EOLA2: variants seen among roughly 807,000 people sequenced by gnomAD.
EOLA2 encodes the protein protein EOLA2.
Under a neutral mutation model 4.1 loss-of-function variants are expected in EOLA2, and 3 were observed. The ratio of observed to expected loss-of-function variants is 0.73; its 90% CI spans 0.33 to 1.89. EOLA2 has a LOEUF of 1.89. Ranked by LOEUF, EOLA2 falls within the 40% of genes most tolerant of loss-of-function variation. EOLA2 has a pLI of 0.08. For synonymous variants in EOLA2, 52 were observed against 51.7 expected (o/e 1.01, Z -0.03); for missense variants, 109 against 126.4 (o/e 0.86, Z 0.66).
At chrX:149,937,868 C>T (rs181017871) in intron 1 of EOLA2, among the ~76,000 whole-genome samples, 114 of 112,934 alleles carry the variant, frequency 1.0e-3, no homozygotes, top group African/African-American at 3.5e-3. Flanking sequence ...ATGCTGAGCA[C>T]GGGGCCACAG....
chrX:149,934,202 G>A (rs2090938878), intron 2 of EOLA2, 65 bp from the exon 3 acceptor site: 1 of 905,175 alleles, frequency 1.1e-6, no homozygotes, highest in Non-Finnish European at 1.4e-6. Context: ...CGAGCCCTAG[G>A]GCAACACAGA....
At chrX:149,932,800 T>C (rs1285085732) in intron 4 of EOLA2, 33 bp from the exon 5 acceptor site, 1 of 1,157,402 alleles carries the variant, frequency 8.6e-7, no homozygotes, top group African/African-American at 1.9e-5. Context: ...ATGAATGCCT[T>C]TCACTTCCAT....
intron 1 of EOLA2, 24 bp from the exon 2 acceptor site, chrX:149,937,504 G>A (rs2091027112): frequency 9.1e-6 from 5 of 550,582 alleles, no homozygotes; most frequent in South Asian, 1.9e-4. Flanking sequence ...AAGATAAAGA[G>A]GAAAGGTCAT....
rs146445817 is a variant in EOLA2, at chrX:149,933,682, G to C, written c.193C>G (p.Pro65Ala). Residue 65 changes from proline (P) to alanine (A), a missense_variant, in exon 4 of 5, where the codon CCT (proline) becomes GCT (alanine). Coordinates refer to ENST00000370406, the MANE Select transcript of EOLA2 (RefSeq NM_001013845.2). ...ELLVERLGMT[P>A]AQIQALLRKG... ...CTGAGCAAGGCCTGAATCTGAGCAG[G>C]AGTCATCCCGAGTCTCTCCACCAGC... The C allele has an allele frequency of 5.4e-4, 656 of 1,205,600 alleles. 17 individuals carry two copies. In the African/African-American group the frequency reaches 0.011, roughly 20 times the overall value.
rs188514568 is a variant in EOLA2 at position 149,937,789 on chromosome X, C to T, written c.-210-309G>A. Reference sequence around the variant, plus strand: ...AGGGGAGAAAAATCACACTTCCCCTCCCATTGTCATCGGACGAGGGTTTGG... The same window carrying T: ...AGGGGAGAAAAATCACACTTCCCCTTCCATTGTCATCGGACGAGGGTTTGG... On this transcript the variant is annotated intron_variant, in intron 1 of 4. Coordinates refer to ENST00000370406, the MANE Select transcript of EOLA2 (RefSeq NM_001013845.2). Among the ~76,000 whole-genome samples the T allele has an allele frequency of 1.6e-3, 186 of 113,020 alleles. 1 individual carries two copies. The highest frequency in any genetic ancestry group is 5.8e-3 in the African/African-American group (182 of 31,142).
At chrX:149,937,652 G>A (rs1215523270) in intron 1 of EOLA2, 172 bp from the exon 2 acceptor site, 1 of 113,790 alleles carries the variant, frequency 8.8e-6, no homozygotes, top group East Asian at 2.8e-4. Context: ...CTGCTAATCA[G>A]AGCGGTGGGA....
chrX:149,932,193 C>CCAG (rs1388921632), downstream of EOLA2: 1 of 505,229 alleles, frequency 2.0e-6, no homozygotes, highest in East Asian at 9.0e-5. Context: ...CAAACACTAA[C>CCAG]CAGTCATCTA....
intron 2 of EOLA2, chrX:149,934,430 C>G (rs2090943713): frequency 1.3e-6 from 1 of 741,095 alleles, no homozygotes; most frequent in Non-Finnish European, 1.6e-6. Context: ...TATCCAATCT[C>G]AGCTCTGTCC....
Position 149,933,386 on chromosome X carries a change from A to G in EOLA2, c.253+236T>C, listed in dbSNP as rs782399731. Among the ~76,000 whole-genome samples, 553 of 110,818 alleles carry G rather than the reference A, an allele frequency of 5.0e-3. 4 individuals are homozygous for G. Among genetic ancestry groups the G allele is most frequent in the African/African-American group, 0.018 (540 of 30,349 alleles). Reference sequence around the variant, plus strand: ...GGCCCTGACCAGGCTTCTCACTGAGATCAGAAACAGAACTGCGGCCCAGAG... The same window carrying G: ...GGCCCTGACCAGGCTTCTCACTGAGGTCAGAAACAGAACTGCGGCCCAGAG... On this transcript the variant is annotated intron_variant, in intron 4 of 4. Coordinates refer to ENST00000370406, the MANE Select transcript of EOLA2 (RefSeq NM_001013845.2).
At chrX:149,935,405 T>A (rs1299436122) in intron 2 of EOLA2, among the ~76,000 whole-genome samples, 1 of 63,401 alleles carries the variant, frequency 1.6e-5, no homozygotes, top group Non-Finnish European at 2.9e-5. Flanking sequence ...CCACTCTGCC[T>A]CCCTTCTCTA....
In EOLA2 at chrX:149,937,470, G is replaced by A. The variant is rs1205418955; in HGVS notation, c.-200C>T. 1 of 701,047 alleles carries A rather than the reference G, an allele frequency of 1.4e-6. No homozygotes were observed. The highest frequency in any genetic ancestry group is 1.7e-6 in the Non-Finnish European group (1 of 590,509). 57.8% of individuals were successfully genotyped at this position (701,047 alleles called of 1,213,427 possible). ...CAGAGGAGGAAACACTCTTCCACTT[G>A]GTTTCTTTACCTGCACAACAAGGAA... On this transcript the variant is annotated 5_prime_UTR_variant, in exon 2 of 5. Coordinates refer to ENST00000370406, the MANE Select transcript of EOLA2 (RefSeq NM_001013845.2).
chrX:149,937,840 C>T (rs1457127892), intron 1 of EOLA2, among the ~76,000 whole-genome samples: 1 of 112,922 alleles, frequency 8.9e-6, no homozygotes, highest in African/African-American at 3.2e-5. Context: ...TTGTCCACTG[C>T]TTAATTCTGG....
chrX:149,935,757 C>T (rs2090981015), intron 2 of EOLA2, among the ~76,000 whole-genome samples: 1 of 104,902 alleles, frequency 9.5e-6, no homozygotes, highest in Non-Finnish European at 2.0e-5. Context: ...ACTCAGGACC[C>T]CAACCATCAC....
At chrX:149,930,193 A>C (rs1227678504), downstream of EOLA2, 13 of 1,097,101 alleles carry the variant, frequency 1.2e-5, no homozygotes, top group Non-Finnish European at 1.6e-5. Context: ...ATAGGACACC[A>C]ATTTGAATAA....
rs368926724 is a variant in EOLA2, at chrX:149,933,742, G to A, written c.133C>T (p.His45Tyr). The A allele has an allele frequency of 4.1e-6, 5 of 1,208,446 alleles. No homozygotes were observed. Among genetic ancestry groups the A allele is most frequent in the Admixed American group, 4.4e-5 (2 of 45,972 alleles). ...CAGGCATCGCCTTCCCAGTCCCTGT[G>A]AGCAATGTGGACGGCGATGGTACAG... ...RNCTIAVHIAHRDWEGDACRE... is the reference protein window; with the variant it reads ...RNCTIAVHIAYRDWEGDACRE... Residue 45 changes from histidine (H) to tyrosine (Y), a missense_variant, in exon 4 of 5, where the codon CAC becomes TAC. Physicochemically the swap from His to Tyr is moderately conservative, Grantham distance 83. Coordinates refer to ENST00000370406, the MANE Select transcript of EOLA2 (RefSeq NM_001013845.2).
At position 149,938,487 on chromosome X, in the gene EOLA2, T is replaced by A. The variant is rs187062586; in HGVS notation, c.-505A>T. On this transcript the variant is annotated 5_prime_UTR_variant, in exon 1 of 5. Coordinates refer to ENST00000370406, the MANE Select transcript of EOLA2 (RefSeq NM_001013845.2). The stretch of plus-strand genomic sequence containing the variant: ...TCGTCCCTTTCATGAGGAACGTACG[T>A]GTGCGCGTAATCACGCACGTACGTA... The A allele has an allele frequency of 2.7e-5, 3 of 112,663 alleles. No individual in the cohort carries two copies. The highest frequency in any genetic ancestry group is 9.7e-5 in the African/African-American group (3 of 30,980). 9.3% of individuals were successfully genotyped at this position (112,663 alleles called of 1,213,427 possible). A position where few individuals can be genotyped will look rare whatever the true frequency, so the allele number is the denominator to read the frequency against.
chrX:149,931,804 CAA>C (rs782666125), downstream of EOLA2, among the ~76,000 whole-genome samples: 2,717 of 46,738 alleles, frequency 0.058, 121 homozygotes, highest in African/African-American at 0.15. Flanking sequence ...GCTAAATCAC[CAA>C]AAAAAAAAAA....
Position 149,933,824 on chromosome X carries a change from T to C in EOLA2, c.51A>G (p.Leu17=). The change falls in exon 4 of 5, where the codon TTA becomes TTG. Residue 17 remains leucine (L), a synonymous_variant. Transcript: ENST00000370406. ...SFRQPYAGFV[L]NGIKTVETRW... Reference sequence around the variant, plus strand: ...GCGTCTCCACAGTCTTGATTCCATTTAAGACAAAGCCAGCATAAGGCTGCC... The same window carrying C: ...GCGTCTCCACAGTCTTGATTCCATTCAAGACAAAGCCAGCATAAGGCTGCC... 1 of 1,206,716 alleles carries C rather than the reference T, an allele frequency of 8.3e-7. No homozygotes were observed. Among genetic ancestry groups the C allele is most frequent in the Non-Finnish European group, 1.1e-6 (1 of 894,013 alleles).
downstream of EOLA2, chrX:149,931,396 C>T (rs868947706): frequency 1.2e-4 from 24 of 206,067 alleles, no homozygotes; most frequent in East Asian, 3.5e-4. Flanking sequence ...CCATTGTCCT[C>T]GTTTATTTGG....
Sources: allele counts gnomAD v4.1 joint callset (sites outside exome capture counted in the v4.1 genomes callset), GRCh38; gene constraint gnomAD v4.1.1; transcripts MANE v1.5; gene names NCBI Gene and HGNC (gene_info 2026-07-23, HGNC 2026-07-21).